LOXHD1: variants seen among roughly 807,000 people sequenced by gnomAD.
LOXHD1 encodes lipoxygenase homology PLAT domains 1.
A neutral mutation model predicts 248.2 loss-of-function variants in LOXHD1; 205 were observed. That is an observed-to-expected ratio of 0.83 (90% confidence interval 0.74 to 0.93). The LOEUF (loss-of-function observed/expected upper bound fraction) is 0.93. Ranked by LOEUF, LOXHD1 falls within the 40% of genes least tolerant of loss-of-function variation. The pLI is 0.00. For missense variants in LOXHD1, 2,930 were observed against 2,971.6 expected (o/e 0.99, Z 0.33); for synonymous variants, 1,113 against 1,162.8 (o/e 0.96, Z 0.87).
At chr18:46,614,776 C>G (rs919272836) in intron 5 of LOXHD1, among the ~76,000 whole-genome samples, 22 of 151,350 alleles carry the variant, frequency 1.5e-4, no homozygotes, top group Admixed American at 6.6e-5. Context: ...ATAAATAAGA[C>G]TAATCTGTAC....
At chr18:46,499,364 T>C (rs896051256) in intron 37 of LOXHD1, among the ~76,000 whole-genome samples, 2 of 152,186 alleles carry the variant, frequency 1.3e-5, no homozygotes, top group African/African-American at 4.8e-5. Context: ...TGGGTATCTA[T>C]GAATGTCTGT....
chr18:46,641,831 T>C, intron 3 of LOXHD1, 125 bp downstream of exon 3: 1 of 912,994 alleles, frequency 1.1e-6, no homozygotes, highest in East Asian at 2.7e-5. Context: ...AGGGAAAGAT[T>C]TGGGCCTTTG....
At chr18:46,608,073 G>GGAAGGA in intron 6 of LOXHD1, among the ~76,000 whole-genome samples, 1 of 146,100 alleles carries the variant, frequency 6.8e-6, no homozygotes, top group African/African-American at 2.6e-5. Context: ...AGGAAGGAAA[G>GGAAGGA]AAGGAAGGGA....
Position 46,577,740 on chromosome 18 carries a change from G to C in LOXHD1, c.1937C>G (p.Pro646Arg). Residue 646 changes from proline (P) to arginine (R), a missense_variant, in exon 14 of 41, where the codon CCT becomes CGT. Physicochemically the swap from Pro to Arg is moderately radical, Grantham distance 103 (BLOSUM62 -2). Coordinates refer to ENST00000642948, the MANE Select transcript of LOXHD1 (RefSeq NM_001384474.1). The stretch of plus-strand genomic sequence containing the variant: ...TGGGAACTCCACGTTGTCGCTCTCA[G>C]GCTGCCCCTCCTCTCTCACCAGCAC... ...DRVLVREEGQ[P>R]ESDNVEFPCL... is the part of the protein sequence containing the mutation. The C allele has an allele frequency of 6.4e-7, 1 of 1,551,644 alleles. No homozygotes were observed.
intron 8 of LOXHD1, among the ~76,000 whole-genome samples, chr18:46,597,209 A>T (rs992360948): frequency 1.3e-5 from 2 of 152,228 alleles, no homozygotes; most frequent in African/African-American, 4.8e-5. Flanking sequence ...TATCAATTAC[A>T]TTTAGGGTTT....
chr18:46,493,223 T>C (rs950095583), intron 37 of LOXHD1, among the ~76,000 whole-genome samples: 2 of 152,242 alleles, frequency 1.3e-5, no homozygotes, highest in African/African-American at 4.8e-5. Flanking sequence ...ATTCCCCAGG[T>C]TCTGAATGTC....
chr18:46,519,964 G>A (rs1168764332), intron 33 of LOXHD1, among the ~76,000 whole-genome samples: 1 of 149,384 alleles, frequency 6.7e-6, no homozygotes, highest in Non-Finnish European at 1.5e-5. Context: ...GGACTAAAGG[G>A]CTCCAAGGGA....
At chr18:46,516,041 C>A (rs369437867) in intron 34 of LOXHD1, among the ~76,000 whole-genome samples, 1 of 152,370 alleles carries the variant, frequency 6.6e-6, no homozygotes, top group East Asian at 1.9e-4. Flanking sequence ...TCACAGCCTT[C>A]AAATCTCTAC....
chr18:46,524,338 T>G, intron 31 of LOXHD1, 128 bp downstream of exon 31: 1 of 1,339,594 alleles, frequency 7.5e-7, no homozygotes, highest in Non-Finnish European at 1.0e-6. Flanking sequence ...GTGTGAAAAC[T>G]ATGTAAATGA....
In LOXHD1 at chr18:46,595,327, G is replaced by A. The variant is rs76733013; in HGVS notation, c.1135-861C>T. Among the ~76,000 whole-genome samples, 676 of 152,246 alleles carry A rather than the reference G, an allele frequency of 4.4e-3. 18 individuals carry two copies. The East Asian group carries it at 0.088, about 20-fold the overall frequency. ...TGAAGGATGCTAAGAGATGGTGGGAGGGGAGTATGTACCCCTTCAAACTTC... is the reference window on the plus strand; with the variant it reads ...TGAAGGATGCTAAGAGATGGTGGGAAGGGAGTATGTACCCCTTCAAACTTC... On this transcript the variant is annotated intron_variant, in intron 8 of 40. Coordinates refer to ENST00000642948, the MANE Select transcript of LOXHD1 (RefSeq NM_001384474.1).
rs370144834 is a variant in LOXHD1 at position 46,529,162 on chromosome 18, G to A, written c.4530+15C>T. 58 of 1,551,256 alleles carry A rather than the reference G, an allele frequency of 3.7e-5. No homozygotes were observed. The African/African-American group carries it at 4.7e-4, about 12-fold the overall frequency. ...AGAGGAGGGAAGGAGGGTAAACTCC[G>A]TGTGCCCCTCATACCGTTCCTCTCT... is the stretch of plus-strand genomic sequence containing the variant. On this transcript the variant is annotated intron_variant, in intron 29 of 40. Transcript: ENST00000642948.
chr18:46,627,772 C>A (rs1204558597), intron 4 of LOXHD1, among the ~76,000 whole-genome samples: 2 of 152,184 alleles, frequency 1.3e-5, no homozygotes, highest in African/African-American at 2.4e-5. Flanking sequence ...TCCTAGAAAA[C>A]TCCTCACCCA....
Position 46,483,617 on chromosome 18 carries a change from A to C in LOXHD1, c.6311T>G (p.Ile2104Ser), listed in dbSNP as rs2032772736. 1 of 1,551,172 alleles carries C rather than the reference A, an allele frequency of 6.4e-7. No homozygotes were observed. The highest frequency in any genetic ancestry group is 8.7e-7 in the Non-Finnish European group (1 of 1,146,910). ...GCCGTACTCCATCTCGGTGATGGTG[A>C]TGGTCTTGACATGCCAGGCAAGTTC... ...KRELAWHVKT[I>S]TITEMEYGNV... Residue 2104 changes from isoleucine (I) to serine (S), a missense_variant, in exon 40 of 41, where the codon ATC (isoleucine) becomes AGC (serine). Physicochemically the swap from Ile to Ser is moderately radical, Grantham distance 142 (BLOSUM62 -2). Transcript: ENST00000642948.
At chr18:46,565,097 C>A (rs2037611505) in intron 17 of LOXHD1, among the ~76,000 whole-genome samples, 1 of 152,094 alleles carries the variant, frequency 6.6e-6, no homozygotes, top group Admixed American at 6.6e-5. Flanking sequence ...AACCCCATCT[C>A]TACTAAAAAT....
Position 46,524,470 on chromosome 18 carries a change from G to T in LOXHD1, c.4872C>A (p.Gly1624=), listed in dbSNP as rs2035726596. ...TGPMADYVQE[G]PIIPYYVSVT... ...AGAGCTCCCTGGTTGGCTTACTTGG[G>T]CCCTCTTGAACGTAGTCAGCCATGG... is the stretch of plus-strand genomic sequence containing the variant. The change falls in exon 31 of 41, where the codon GGC becomes GGA. Residue 1624 remains glycine, a synonymous_variant. Coordinates refer to ENST00000642948, the MANE Select transcript of LOXHD1 (RefSeq NM_001384474.1). The T allele has an allele frequency of 6.5e-7, 1 of 1,549,352 alleles. No homozygotes were observed.
At position 46,521,102 on chromosome 18, in the gene LOXHD1, C is replaced by A; in HGVS notation, c.5266G>T (p.Val1756Leu). ...LLDAMVVNIGVKVLYEMTVWT... is the reference protein window; with the variant it reads ...LLDAMVVNIGLKVLYEMTVWT... ...ACTCACAGTGCCCCCCCTACCTTCA[C>A]CCCAATGTTCACCACCATGGCATCC... The change falls in exon 33 of 41, where the codon GTG (valine) becomes TTG (leucine). Residue 1756 changes from valine (V) to leucine (L), a missense_variant. By Grantham distance (32) the Val-to-Leu change is conservative (BLOSUM62 1). Coordinates refer to ENST00000642948, the MANE Select transcript of LOXHD1 (RefSeq NM_001384474.1). 1 of 1,551,660 alleles carries A rather than the reference C, an allele frequency of 6.4e-7. No homozygotes were observed. The highest frequency in any genetic ancestry group is 8.7e-7 in the Non-Finnish European group (1 of 1,146,922).
chr18:46,488,871 C>T, intron 38 of LOXHD1, 101 bp downstream of exon 38: 11 of 1,278,340 alleles, frequency 8.6e-6, no homozygotes, highest in Non-Finnish European at 1.2e-5. Context: ...CCATATTATT[C>T]CCTGTATCTG....
intron 8 of LOXHD1, among the ~76,000 whole-genome samples, chr18:46,600,519 AC>A (rs1346934617): frequency 3.3e-5 from 5 of 150,594 alleles, no homozygotes; most frequent in African/African-American, 1.2e-4. Context: ...AATCACTTGA[AC>A]CTGGGAGGTG....
At chr18:46,654,539 A>T (rs1179209964) in intron 1 of LOXHD1, among the ~76,000 whole-genome samples, 2 of 152,226 alleles carry the variant, frequency 1.3e-5, no homozygotes, top group African/African-American at 4.8e-5. Context: ...CCCTCAAAGC[A>T]TTGAGGGAGC....
Sources: allele counts gnomAD v4.1 joint callset (sites outside exome capture counted in the v4.1 genomes callset), GRCh38; gene constraint gnomAD v4.1.1; transcripts MANE v1.5; gene names NCBI Gene and HGNC (gene_info 2026-07-23, HGNC 2026-07-21).